Variants in ARL13B observed in about 807,000 individuals in gnomAD.
ARL13B encodes the protein ARF like GTPase 13B, also known as ADP-ribosylation factor-like protein 13B.
ARL13B carries 36 observed loss-of-function variants against 56.1 expected under a neutral mutation model. That is an observed-to-expected ratio of 0.64 (90% CI 0.49 to 0.85). The LOEUF (loss-of-function observed/expected upper bound fraction) is 0.85, where lower values mean the gene tolerates loss of function less well. Among genes scored for constraint, ARL13B ranks in the 40% least tolerant of loss-of-function variants. ARL13B has a pLI of 0.00. For missense variants in ARL13B, 519 were observed against 507.1 expected, an observed-to-expected ratio of 1.02 and a Z score of -0.23; for synonymous variants, 178 against 171.1, an observed-to-expected ratio of 1.04 and a Z score of -0.32.
intron 3 of ARL13B, among the ~76,000 whole-genome samples, chr3:94,024,429 A>G (rs1263111505): frequency 2.0e-5 from 3 of 152,246 alleles, no homozygotes; most frequent in Admixed American, 6.5e-5. Flanking sequence ...TATTTATACA[A>G]TGGTTCAGTA....
chr3:94,049,338 C>A, intron 7 of ARL13B, 68 bp from the exon 8 acceptor site: 1 of 910,894 alleles, frequency 1.1e-6, no homozygotes, highest in Non-Finnish European at 1.7e-6. Flanking sequence ...TTGTTGTATT[C>A]TTTGTTTTCT....
chr3:94,027,787 A>C (rs2076588318), intron 3 of ARL13B, among the ~76,000 whole-genome samples: 1 of 152,130 alleles, frequency 6.6e-6, no homozygotes, highest in Non-Finnish European at 1.5e-5. Context: ...AGTATTTTTA[A>C]TGTACTAGTT....
At chr3:94,000,643 G>GTA (rs941744244) in intron 2 of ARL13B, among the ~76,000 whole-genome samples, 37 of 150,940 alleles carry the variant, frequency 2.5e-4, no homozygotes, top group African/African-American at 5.6e-4. Flanking sequence ...GTGTGTATAT[G>GTA]TATATATATA....
chr3:93,990,399 A>G (rs1270544055), intron 1 of ARL13B, among the ~76,000 whole-genome samples: 1 of 152,152 alleles, frequency 6.6e-6, no homozygotes, highest in African/African-American at 2.4e-5. Context: ...GCATATATAT[A>G]TATAGTGAAG....
At chr3:94,043,448 G>A (rs1348755066) in intron 7 of ARL13B, among the ~76,000 whole-genome samples, 1 of 149,474 alleles carries the variant, frequency 6.7e-6, no homozygotes, top group Non-Finnish European at 1.5e-5. Context: ...GTGGTCCTTT[G>A]TAACTTATAA....
chr3:94,035,539 T>C, intron 4 of ARL13B, 103 bp downstream of exon 4: 2 of 768,164 alleles, frequency 2.6e-6, no homozygotes, highest in South Asian at 1.7e-5. Context: ...AGGCAATGTT[T>C]TCAAAGAATT....
rs1254271805 is a variant in ARL13B at position 94,003,864 on chromosome 3, A to G, written c.336A>G (p.Ser112=). 8 of 1,613,518 alleles carry G rather than the reference A, an allele frequency of 5.0e-6. No homozygotes were observed. Among genetic ancestry groups the G allele is most frequent in the Admixed American group, 1.7e-5 (1 of 59,996 alleles). Residue 112 remains serine, a synonymous_variant, in exon 3 of 10, where the codon TCA becomes TCG. Transcript: ENST00000394222. ...ERMEETKEAM[S]EMLRHPRISG... ...TGGAAGAGACAAAAGAGGCTATGTC[A>G]GAAATGCTAAGACATCCTAGGATAT... is the stretch of plus-strand genomic sequence containing the variant.
intron 3 of ARL13B, among the ~76,000 whole-genome samples, chr3:94,025,517 T>A (rs1484112447): frequency 6.6e-6 from 1 of 152,216 alleles, no homozygotes; most frequent in African/African-American, 2.4e-5. Flanking sequence ...AGGAGTAAAT[T>A]CCTATGTTTG....
intron 3 of ARL13B, chr3:94,014,792 C>G: frequency 6.2e-7 from 1 of 1,614,010 alleles, no homozygotes; most frequent in Non-Finnish European, 8.5e-7. Flanking sequence ...TTGCACTTCT[C>G]TTGCTTTGCT....
At chr3:94,010,500 G>C (rs1381672797) in intron 3 of ARL13B, among the ~76,000 whole-genome samples, 1 of 151,792 alleles carries the variant, frequency 6.6e-6, no homozygotes, top group Non-Finnish European at 1.5e-5. Flanking sequence ...TTTTATTATT[G>C]CATACTTTCA....
In ARL13B at chr3:94,023,047, T is replaced by C. The variant is rs542829238; in HGVS notation, c.381-12284T>C. Among the ~76,000 whole-genome samples, 5 of 152,198 alleles carry C rather than the reference T, an allele frequency of 3.3e-5. No homozygotes were observed. In the East Asian group the frequency reaches 7.7e-4, roughly 23 times the overall value. ...TGATTGTGTTAGAATTTTCTTCCTC[T>C]TTTATATTCTCTATTTTTGATTTCC... On this transcript the variant is annotated intron_variant, in intron 3 of 9. Transcript: ENST00000394222.
At chr3:94,025,497 C>G in intron 3 of ARL13B, among the ~76,000 whole-genome samples, 1 of 152,250 alleles carries the variant, frequency 6.6e-6, no homozygotes, top group Admixed American at 6.5e-5. Flanking sequence ...TAGGTTATTT[C>G]TAGTTTCTTA....
rs146137797 is a variant in ARL13B, at chr3:94,055,626, C to T, written c.*2363C>T. 6 of 453,550 alleles carry T rather than the reference C, an allele frequency of 1.3e-5. No individual in the cohort carries two copies. Among genetic ancestry groups the T allele is most frequent in the African/African-American group, 1.2e-4 (6 of 49,950 alleles). The allele number at this position is 453,550 out of a possible 1,614,324, so 28.1% of individuals were successfully genotyped here. On this transcript the variant is annotated 3_prime_UTR_variant, in exon 10 of 10. Coordinates refer to ENST00000394222, the MANE Select transcript of ARL13B (RefSeq NM_001174150.2). ...TGTAAAATGCATATTACGTAGTATA[C>T]ATGATATTGTATGTAACTGACTTCA...
chr3:94,042,882 T>C, intron 6 of ARL13B, 133 bp from the exon 7 acceptor site: 1 of 698,604 alleles, frequency 1.4e-6, no homozygotes, highest in Non-Finnish European at 2.4e-6. Flanking sequence ...ATTCATGAAA[T>C]CATTTTTAAA....
intron 7 of ARL13B, chr3:94,047,994 G>T (rs929817539): frequency 2.1e-5 from 3 of 142,820 alleles, no homozygotes; most frequent in African/African-American, 7.8e-5. Flanking sequence ...AAAGTACATT[G>T]CATAGACACA....
chr3:94,014,624 GTC>G, intron 3 of ARL13B: 1 of 1,613,422 alleles, frequency 6.2e-7, no homozygotes, highest in Non-Finnish European at 8.5e-7. Flanking sequence ...AGTTCCTTGT[GTC>G]TCTGTTCAAT....
chr3:94,051,011 A>G (rs1175814069), intron 9 of ARL13B, 119 bp downstream of exon 9: 7 of 828,952 alleles, frequency 8.4e-6, no homozygotes, highest in Admixed American at 2.5e-5. Flanking sequence ...ATCCACAGCT[A>G]TCCTTTTTCA....
At position 94,053,422 on chromosome 3, in the gene ARL13B, C is replaced by A; in HGVS notation, c.*159C>A. ...ACTCAAGGACCTGACTTGATAATTACTTATTTGTGTTTTTCATGGTTAAAA... is the reference window on the plus strand; with the variant it reads ...ACTCAAGGACCTGACTTGATAATTAATTATTTGTGTTTTTCATGGTTAAAA... On this transcript the variant is annotated 3_prime_UTR_variant, in exon 10 of 10. Transcript: ENST00000394222. The A allele has an allele frequency of 1.4e-6, 1 of 737,786 alleles. No homozygotes were observed. The highest frequency in any genetic ancestry group is 2.4e-6 in the Non-Finnish European group (1 of 419,982). 45.7% of individuals were successfully genotyped at this position (737,786 alleles called of 1,614,324 possible).
chr3:94,045,886 G>A (rs1169798900), intron 7 of ARL13B, among the ~76,000 whole-genome samples: 2 of 147,618 alleles, frequency 1.4e-5, no homozygotes, highest in Admixed American at 6.9e-5. Flanking sequence ...GGGAGGCAGA[G>A]CTTGCAGTGA....
Sources: gnomAD v4.1 joint callset for allele counts (sites outside exome capture counted in the v4.1 genomes callset) on GRCh38, gnomAD v4.1.1 for gene constraint, MANE v1.5 for transcripts, NCBI Gene and HGNC (gene_info 2026-07-23, HGNC 2026-07-21) for gene names.